SPAG16: variants seen among roughly 807,000 people sequenced by gnomAD.
SPAG16 encodes the protein sperm associated antigen 16, also known as sperm-associated antigen 16 protein.
Under a neutral mutation model 80.4 loss-of-function variants are expected in SPAG16, and 86 were observed. The ratio of observed to expected loss-of-function variants is 1.07; its 90% CI spans 0.90 to 1.28. SPAG16 has a LOEUF of 1.28. Ranked by LOEUF, SPAG16 falls within the 50% of genes most tolerant of loss-of-function variation. The pLI, the probability that SPAG16 is intolerant of heterozygous loss-of-function variation, is 0.00. For missense variants in SPAG16, 870 were observed against 765.3 expected (o/e 1.14, Z -1.61); for synonymous variants, 294 against 265.9 (o/e 1.11, Z -1.03).
intron 3 of SPAG16, among the ~76,000 whole-genome samples, chr2:213,307,534 C>A (rs542538876): frequency 1.4e-5 from 2 of 141,528 alleles, no homozygotes; most frequent in African/African-American, 5.2e-5. Flanking sequence ...AGGACATGAA[C>A]TCATCATTTT....
At chr2:214,072,772 T>G (rs28609323) in intron 13 of SPAG16, among the ~76,000 whole-genome samples, 2,651 of 152,068 alleles carry the variant, frequency 0.017, 79 homozygotes, top group African/African-American at 0.061. Context: ...TTAGGAGGGG[T>G]AGGACTTTTT....
rs529077029 is a variant in SPAG16, at chr2:213,472,845, C to T, written c.943-17118C>T. Among the ~76,000 whole-genome samples the T allele has an allele frequency of 9.2e-5, 14 of 152,268 alleles. No individual in the cohort carries two copies. The South Asian group carries it at 1.7e-3, about 18-fold the overall frequency. ...CTCAGAGGCAGTGACCATTAGTCCC[C>T]GAATTATCTGATCTTTTCCCTTCCT... On this transcript the variant is annotated intron_variant, in intron 9 of 15. Transcript: ENST00000331683.
At chr2:214,188,178 A>T (rs2057541188) in intron 15 of SPAG16, among the ~76,000 whole-genome samples, 1 of 152,176 alleles carries the variant, frequency 6.6e-6, no homozygotes, top group Admixed American at 6.6e-5. Flanking sequence ...TTCATTTGCC[A>T]AGGCTAGAAT....
At chr2:214,278,667 T>C (rs980985520) in intron 15 of SPAG16, among the ~76,000 whole-genome samples, 46 of 152,296 alleles carry the variant, frequency 3.0e-4, no homozygotes, top group African/African-American at 1.1e-3. Context: ...TGAGGAAATA[T>C]GAGGGGCAAA....
At chr2:213,675,141 G>A (rs1382775629) in intron 10 of SPAG16, among the ~76,000 whole-genome samples, 1 of 152,146 alleles carries the variant, frequency 6.6e-6, no homozygotes, top group Non-Finnish European at 1.5e-5. Flanking sequence ...GCCAGTGATG[G>A]TGAGCATGTT....
At chr2:214,384,509 A>G (rs1300290449) in intron 15 of SPAG16, among the ~76,000 whole-genome samples, 2 of 152,134 alleles carry the variant, frequency 1.3e-5, no homozygotes, top group African/African-American at 2.4e-5. Flanking sequence ...ACAAGGGAGG[A>G]AGGTCTGACA....
At chr2:213,371,090 A>T (rs1478077136) in intron 8 of SPAG16, among the ~76,000 whole-genome samples, 1 of 152,086 alleles carries the variant, frequency 6.6e-6, no homozygotes, top group Non-Finnish European at 1.5e-5. Flanking sequence ...AGTTGCTAAA[A>T]CTTGGTATCC....
chr2:214,262,179 G>T (rs1248372300), intron 15 of SPAG16, among the ~76,000 whole-genome samples: 1 of 151,902 alleles, frequency 6.6e-6, no homozygotes, highest in Non-Finnish European at 1.5e-5. Context: ...AGCATCTTCA[G>T]TGTATTATAT....
intron 15 of SPAG16, among the ~76,000 whole-genome samples, chr2:214,400,151 G>A (rs1025550774): frequency 4.6e-5 from 7 of 151,960 alleles, no homozygotes; most frequent in African/African-American, 1.7e-4. Context: ...TCCTAATAGG[G>A]GGGAAATATT....
At chr2:213,804,730 T>TAACTA (rs2071655080) in intron 10 of SPAG16, among the ~76,000 whole-genome samples, 2 of 143,170 alleles carry the variant, frequency 1.4e-5, no homozygotes, top group African/African-American at 5.1e-5. Flanking sequence ...ACTAACTAAC[T>TAACTA]AAGATTACGA....
chr2:213,316,837 A>G (rs964549590), intron 4 of SPAG16, among the ~76,000 whole-genome samples: 5 of 151,998 alleles, frequency 3.3e-5, no homozygotes, highest in African/African-American at 1.2e-4. Context: ...AAGCACTCCC[A>G]TCAGTGTTTC....
rs190826416 is a variant in SPAG16 at position 213,525,420 on chromosome 2, C to T, written c.1070+35330C>T. On this transcript the variant is annotated intron_variant, in intron 10 of 15. Transcript: ENST00000331683. ...TCTTCTGCCTCAGCCTCCCAAGTAG[C>T]TGGGACTACAGGTGCCCACCACCAT... is the stretch of plus-strand genomic sequence containing the variant. 8.7e-4 allele frequency among the ~76,000 whole-genome samples: 132 copies of T among 151,374 alleles called. 1 individual carries two copies. The East Asian group carries it at 0.023, about 26-fold the overall frequency.
chr2:213,546,095 T>C (rs1208580913), intron 10 of SPAG16, among the ~76,000 whole-genome samples: 1 of 152,186 alleles, frequency 6.6e-6, no homozygotes. Context: ...AATTTTTCTA[T>C]GAATGAGGAT....
intron 5 of SPAG16, among the ~76,000 whole-genome samples, chr2:213,333,380 A>G (rs2064194460): frequency 6.6e-6 from 1 of 152,180 alleles, no homozygotes; most frequent in Non-Finnish European, 1.5e-5. Context: ...AAGACATTAC[A>G]TGTTTATGGG....
At chr2:214,374,444 T>A (rs1388734602) in intron 15 of SPAG16, among the ~76,000 whole-genome samples, 1 of 152,214 alleles carries the variant, frequency 6.6e-6, no homozygotes, top group Non-Finnish European at 1.5e-5. Flanking sequence ...TCTCGATATT[T>A]CATGAAAAAT....
intron 13 of SPAG16, among the ~76,000 whole-genome samples, chr2:214,020,030 T>G (rs1252757122): frequency 1.3e-5 from 2 of 152,204 alleles, no homozygotes; most frequent in African/African-American, 4.8e-5. Context: ...ATATGTAATT[T>G]GTGCCATCAT....
At chr2:213,893,084 A>G (rs752234761) in intron 11 of SPAG16, among the ~76,000 whole-genome samples, 4 of 152,192 alleles carry the variant, frequency 2.6e-5, no homozygotes, top group Non-Finnish European at 5.9e-5. Flanking sequence ...GAAAATAAAA[A>G]GGAGTTCCAG....
At chr2:214,236,651 C>T (rs1394797018) in intron 15 of SPAG16, among the ~76,000 whole-genome samples, 1 of 131,636 alleles carries the variant, frequency 7.6e-6, no homozygotes, top group Non-Finnish European at 1.7e-5. Flanking sequence ...GACTCCGTTT[C>T]AAAAAAAAAA....
intron 13 of SPAG16, among the ~76,000 whole-genome samples, chr2:214,071,533 A>C (rs1369635826): frequency 6.6e-6 from 1 of 152,158 alleles, no homozygotes; most frequent in African/African-American, 2.4e-5. Flanking sequence ...TGCATAGATG[A>C]CCGACCTTGA....
Sources: gnomAD v4.1 joint callset for allele counts (sites outside exome capture counted in the v4.1 genomes callset) on GRCh38, gnomAD v4.1.1 for gene constraint, MANE v1.5 for transcripts, NCBI Gene and HGNC (gene_info 2026-07-23, HGNC 2026-07-21) for gene names.